STXBP5L: variants seen among roughly 807,000 people sequenced by gnomAD.
STXBP5L encodes syntaxin binding protein 5L.
In STXBP5L, 65 loss-of-function variants were observed where a neutral mutation model predicts 144.5. The ratio of observed to expected loss-of-function variants is 0.45; its 90% CI spans 0.37 to 0.55. The LOEUF (loss-of-function observed/expected upper bound fraction) is 0.55. Ranked by LOEUF, STXBP5L falls within the 20% of genes least tolerant of loss-of-function variation. The probability of loss-of-function intolerance (pLI) is 0.00; values close to 1 mark genes in which losing one functional copy is unlikely to be tolerated. For synonymous variants in STXBP5L, 505 were observed against 469.6 expected (o/e 1.08, Z -0.97); for missense variants, 1,298 against 1,405.5 (o/e 0.92, Z 1.22).
intron 2 of STXBP5L, among the ~76,000 whole-genome samples, chr3:120,954,252 AT>A (rs1553752455): frequency 6.6e-6 from 1 of 152,184 alleles, no homozygotes; most frequent in Non-Finnish European, 1.5e-5. Context: ...ATGCAGAGAA[AT>A]CACAAATTTT....
chr3:121,323,921 G>A (rs538092739), intron 20 of STXBP5L, among the ~76,000 whole-genome samples: 1 of 152,150 alleles, frequency 6.6e-6, no homozygotes, highest in South Asian at 2.1e-4. Context: ...GCTTTCAACT[G>A]TGGGGCTGTG....
At chr3:121,283,196 A>G (rs918239444) in intron 19 of STXBP5L, among the ~76,000 whole-genome samples, 3 of 152,068 alleles carry the variant, frequency 2.0e-5, no homozygotes, top group Non-Finnish European at 4.4e-5. Context: ...TCACACATAT[A>G]TGTTGTTTGT....
At chr3:120,976,057 C>T (rs146397015) in intron 3 of STXBP5L, among the ~76,000 whole-genome samples, 4 of 152,142 alleles carry the variant, frequency 2.6e-5, no homozygotes, top group Non-Finnish European at 5.9e-5. Context: ...ATGCTGGCCT[C>T]ATAAAATGAG....
At chr3:121,163,986 T>G (rs1045685998) in intron 9 of STXBP5L, among the ~76,000 whole-genome samples, 1 of 152,152 alleles carries the variant, frequency 6.6e-6, no homozygotes, top group Non-Finnish European at 1.5e-5. Context: ...AAGTATAAGC[T>G]TCAATGATTT....
intron 5 of STXBP5L, among the ~76,000 whole-genome samples, chr3:121,057,158 C>T (rs1190024335): frequency 6.6e-6 from 1 of 151,740 alleles, no homozygotes; most frequent in Non-Finnish European, 1.5e-5. Flanking sequence ...CTCATAAATA[C>T]AGTGCTGAGC....
intron 7 of STXBP5L, among the ~76,000 whole-genome samples, chr3:121,128,209 G>C (rs915893185): frequency 6.6e-6 from 1 of 151,968 alleles, no homozygotes; most frequent in Non-Finnish European, 1.5e-5. Flanking sequence ...TTATGATTTT[G>C]GATTCGGTGC....
intron 5 of STXBP5L, among the ~76,000 whole-genome samples, chr3:121,055,857 A>AT (rs5852260): frequency 0.028 from 3,808 of 137,470 alleles, 50 homozygotes; most frequent in Middle Eastern, 0.065. Context: ...ACTAATGTTA[A>AT]TTTTTTTTTT....
At chr3:121,254,298 A>G (rs2050136061) in intron 15 of STXBP5L, among the ~76,000 whole-genome samples, 1 of 151,430 alleles carries the variant, frequency 6.6e-6, no homozygotes, top group African/African-American at 2.4e-5. Context: ...TCACAAACAC[A>G]ATGTATGAGA....
chr3:121,184,330 A>T (rs950558345), intron 9 of STXBP5L, among the ~76,000 whole-genome samples: 5 of 151,492 alleles, frequency 3.3e-5, no homozygotes, highest in African/African-American at 1.2e-4. Flanking sequence ...AAAGTTAGAG[A>T]AATTGCTAAC....
At chr3:121,091,422 A>G (rs1576920181) in intron 5 of STXBP5L, among the ~76,000 whole-genome samples, 1 of 151,752 alleles carries the variant, frequency 6.6e-6, no homozygotes, top group Non-Finnish European at 1.5e-5. Context: ...CTATTTCTCC[A>G]CATCCTCTCC....
At chr3:121,271,629 G>T (rs1331819262) in intron 18 of STXBP5L, among the ~76,000 whole-genome samples, 2 of 152,118 alleles carry the variant, frequency 1.3e-5, no homozygotes, top group East Asian at 1.9e-4. Flanking sequence ...TTATAATTTT[G>T]AAGTAGCTTA....
chr3:120,985,834 G>A (rs1417796055), intron 3 of STXBP5L, among the ~76,000 whole-genome samples: 4 of 151,468 alleles, frequency 2.6e-5, no homozygotes, highest in Non-Finnish European at 5.9e-5. Flanking sequence ...TCTAGCTAAA[G>A]GTTTGTGAAT....
intron 5 of STXBP5L, among the ~76,000 whole-genome samples, chr3:121,061,953 A>C (rs1280572184): frequency 6.6e-6 from 1 of 152,168 alleles, no homozygotes; most frequent in Non-Finnish European, 1.5e-5. Context: ...TGGGGCATTT[A>C]GCCTGTTTAC....
intron 2 of STXBP5L, among the ~76,000 whole-genome samples, chr3:120,915,403 A>G (rs1241994149): frequency 6.6e-6 from 1 of 152,162 alleles, no homozygotes; most frequent in Admixed American, 6.5e-5. Context: ...AGCCACTTAC[A>G]TATTGGTTTA....
At chr3:120,924,855 C>G (rs1709533349) in intron 2 of STXBP5L, among the ~76,000 whole-genome samples, 1 of 152,026 alleles carries the variant, frequency 6.6e-6, no homozygotes, top group Admixed American at 6.6e-5. Context: ...GGACTACAGG[C>G]TCCCGTGACC....
In STXBP5L at chr3:121,330,678, G is replaced by A. The variant is rs372560399; in HGVS notation, c.2176+12138G>A. On this transcript the variant is annotated intron_variant, in intron 20 of 26. Transcript: ENST00000471454. ...TCTTTGCAAATGCTACCCCCTGGCT[G>A]GAGACCAACTAACACAGCCCACAAC... Among the ~76,000 whole-genome samples, 4 of 152,216 alleles carry A rather than the reference G, an allele frequency of 2.6e-5. No individual in the cohort carries two copies. In the East Asian group the frequency reaches 5.8e-4, roughly 22 times the overall value.
intron 3 of STXBP5L, among the ~76,000 whole-genome samples, chr3:120,984,760 C>G (rs1428624534): frequency 1.4e-5 from 2 of 147,894 alleles, no homozygotes; most frequent in Non-Finnish European, 3.0e-5. Flanking sequence ...AGTTTTCAGT[C>G]TTTCACCACT....
intron 5 of STXBP5L, among the ~76,000 whole-genome samples, chr3:121,049,952 G>A (rs1171865355): frequency 6.6e-6 from 1 of 152,128 alleles, no homozygotes; most frequent in Non-Finnish European, 1.5e-5. Flanking sequence ...TGAGTCCAAG[G>A]ATGCAAAGGT....
At chr3:121,143,981 C>G (rs534102217) in intron 7 of STXBP5L, among the ~76,000 whole-genome samples, 1 of 151,574 alleles carries the variant, frequency 6.6e-6, no homozygotes, top group South Asian at 2.1e-4. Flanking sequence ...CAAAAATAAA[C>G]ATGTAGGACA....
Sources: allele counts gnomAD v4.1 joint callset (sites outside exome capture counted in the v4.1 genomes callset), GRCh38; gene constraint gnomAD v4.1.1; transcripts MANE v1.5; gene names NCBI Gene and HGNC (gene_info 2026-07-23, HGNC 2026-07-21).